The following DOCK8 variants were observed in gnomAD, a reference collection of about 807,000 sequenced individuals.
DOCK8 encodes dedicator of cytokinesis protein 8.
Under a neutral mutation model 245.6 loss-of-function variants are expected in DOCK8, and 141 were observed. The ratio of observed to expected loss-of-function variants is 0.57; its 90% CI spans 0.50 to 0.66. The LOEUF (loss-of-function observed/expected upper bound fraction) is 0.66, where lower values mean the gene tolerates loss of function less well. Among genes scored for constraint, DOCK8 ranks in the 30% least tolerant of loss-of-function variants. The pLI is 0.00. For missense variants in DOCK8, 2,965 were observed against 2,603.4 expected (o/e 1.14, Z -3.02); for synonymous variants, 1,168 against 970.2 (o/e 1.20, Z -3.79).
intron 27 of DOCK8, among the ~76,000 whole-genome samples, chr9:405,489 G>C (rs1053729140): frequency 2.0e-5 from 3 of 152,176 alleles, no homozygotes; most frequent in African/African-American, 7.2e-5. Flanking sequence ...ACTTGTTCAT[G>C]TCAATTGCAA....
At chr9:441,265 T>C in intron 40 of DOCK8, 21 bp from the exon 41 acceptor site, 2 of 1,614,132 alleles carry the variant, frequency 1.2e-6, no homozygotes, top group Non-Finnish European at 1.7e-6. Flanking sequence ...TTCTCTCTGA[T>C]GCTCTTCTCC....
chr9:267,921 C>T (rs1274879579), intron 1 of DOCK8: 1 of 152,086 alleles, frequency 6.6e-6, no homozygotes, highest in Non-Finnish European at 1.5e-5. Context: ...GTATATTTCC[C>T]AAAGCGAGAT....
At chr9:330,782 T>C (rs1038350852) in intron 9 of DOCK8, among the ~76,000 whole-genome samples, 4 of 152,218 alleles carry the variant, frequency 2.6e-5, no homozygotes, top group African/African-American at 9.6e-5. Context: ...TCCATGGTTA[T>C]GAGGAGTCAT....
At chr9:370,503 A>G (rs1279848555) in intron 16 of DOCK8, among the ~76,000 whole-genome samples, 1 of 152,242 alleles carries the variant, frequency 6.6e-6, no homozygotes, top group Non-Finnish European at 1.5e-5. Flanking sequence ...ACGTGTCTTC[A>G]AGAATCCAAT....
intron 7 of DOCK8, among the ~76,000 whole-genome samples, chr9:322,901 T>A (rs983764444): frequency 2.0e-5 from 3 of 152,056 alleles, no homozygotes; most frequent in Non-Finnish European, 4.4e-5. Context: ...GAGACCAGCC[T>A]GGACAACATG....
intron 1 of DOCK8, among the ~76,000 whole-genome samples, chr9:225,186 A>G (rs748334940): frequency 2.6e-5 from 4 of 152,126 alleles, no homozygotes; most frequent in Non-Finnish European, 4.4e-5. Flanking sequence ...GTGGGTGACT[A>G]TAAATGCAAA....
At chr9:428,334 C>G (rs2056575316) in intron 34 of DOCK8, 28 bp from the exon 35 acceptor site, 1 of 1,613,674 alleles carries the variant, frequency 6.2e-7, no homozygotes, top group Non-Finnish European at 8.5e-7. Flanking sequence ...TGCAGGGATT[C>G]AATGATGCTG....
chr9:401,212 G>T (rs942478537), intron 26 of DOCK8, among the ~76,000 whole-genome samples: 1 of 152,186 alleles, frequency 6.6e-6, no homozygotes, highest in Non-Finnish European at 1.5e-5. Context: ...AGAAGGGGGG[G>T]TTGAGAGATT....
intron 1 of DOCK8, among the ~76,000 whole-genome samples, chr9:217,817 A>G (rs1044639939): frequency 6.6e-6 from 1 of 152,200 alleles, no homozygotes; most frequent in African/African-American, 2.4e-5. Context: ...AGGAAAAGGA[A>G]TCTTGGAGAT....
At position 215,091 on chromosome 9, in the gene DOCK8, A is replaced by C. The variant is rs772847487; in HGVS notation, c.53+62A>C. 8.3e-5 allele frequency: 126 copies of C among 1,520,360 alleles called. 1 individual carries two copies. The highest frequency in any genetic ancestry group is 1.6e-4 in the African/African-American group (11 of 69,786). 94.2% of individuals were successfully genotyped at this position (1,520,360 alleles called of 1,614,324 possible). ...ACAGCCCAGCGCTGGTGTGAAGCGGAGCTTCGCTGCAGGGGCCGAGGCCGG... is the reference window on the plus strand; with the variant it reads ...ACAGCCCAGCGCTGGTGTGAAGCGGCGCTTCGCTGCAGGGGCCGAGGCCGG... On this transcript the variant is annotated intron_variant, in intron 1 of 47. Coordinates refer to ENST00000432829, the MANE Select transcript of DOCK8 (RefSeq NM_203447.4).
intron 3 of DOCK8, among the ~76,000 whole-genome samples, chr9:288,653 G>A (rs1315523527): frequency 6.6e-6 from 1 of 152,152 alleles, no homozygotes; most frequent in African/African-American, 2.4e-5. Flanking sequence ...ACTAAAAGGG[G>A]CACTCTTACT....
At chr9:269,649 G>A (rs1043544045) in intron 1 of DOCK8, among the ~76,000 whole-genome samples, 1 of 149,780 alleles carries the variant, frequency 6.7e-6, no homozygotes, top group Admixed American at 6.7e-5. Flanking sequence ...TCCGCCTCTC[G>A]GGTTCAAGCA....
chr9:336,829 C>G, intron 12 of DOCK8, 111 bp downstream of exon 12: 5 of 1,284,126 alleles, frequency 3.9e-6, no homozygotes, highest in Non-Finnish European at 5.6e-6. Flanking sequence ...GTTAAGCTCA[C>G]TCTCTTAGTT....
intron 4 of DOCK8, among the ~76,000 whole-genome samples, chr9:294,054 TAAAG>T (rs1441513889): frequency 6.6e-6 from 1 of 152,206 alleles, no homozygotes; most frequent in Non-Finnish European, 1.5e-5. Flanking sequence ...ATTTTTCACA[TAAAG>T]ATATATGTAT....
intron 4 of DOCK8, among the ~76,000 whole-genome samples, chr9:302,342 A>G (rs1335398676): frequency 2.0e-5 from 3 of 152,362 alleles, no homozygotes; most frequent in Admixed American, 1.3e-4. Flanking sequence ...ATATACAAAC[A>G]TTAACTCAAG....
chr9:312,191 G>A, intron 6 of DOCK8, 25 bp downstream of exon 6: 1 of 1,611,936 alleles, frequency 6.2e-7, no homozygotes, highest in Non-Finnish European at 8.5e-7. Flanking sequence ...TTCCATACTG[G>A]AGAATCTCAG....
chr9:398,968 A>G (rs1469428394), intron 25 of DOCK8, among the ~76,000 whole-genome samples, 178 bp from the exon 26 acceptor site: 1 of 152,226 alleles, frequency 6.6e-6, no homozygotes, highest in Non-Finnish European at 1.5e-5. Flanking sequence ...TAATTACTTG[A>G]TTCAACCTCA....
upstream of DOCK8, chr9:213,648 G>A (rs1418206184): frequency 2.0e-5 from 3 of 151,958 alleles, no homozygotes; most frequent in African/African-American, 7.3e-5. Flanking sequence ...TAACCATAAT[G>A]CCGAGTGGTC....
intron 14 of DOCK8, among the ~76,000 whole-genome samples, chr9:361,892 C>A (rs1241244982): frequency 6.6e-6 from 1 of 152,114 alleles, no homozygotes; most frequent in Non-Finnish European, 1.5e-5. Context: ...ATATTTACAG[C>A]CCTGTCAAAG....
Sources: allele counts gnomAD v4.1 joint callset (sites outside exome capture counted in the v4.1 genomes callset), GRCh38; gene constraint gnomAD v4.1.1; transcripts MANE v1.5; gene names NCBI Gene and HGNC (gene_info 2026-07-23, HGNC 2026-07-21).